Variants in DNAJC24 observed in about 807,000 individuals in gnomAD.
DNAJC24 encodes the protein dnaJ homolog subfamily C member 24.
A neutral mutation model predicts 18.0 loss-of-function variants in DNAJC24; 17 were observed. That is an observed-to-expected ratio of 0.94 (90% CI 0.65 to 1.42). The LOEUF (loss-of-function observed/expected upper bound fraction) is 1.42. Ranked by LOEUF, DNAJC24 falls within the 40% of genes most tolerant of loss-of-function variation. The pLI is 0.00. For synonymous variants in DNAJC24, 55 were observed against 57.7 expected (o/e 0.95, Z 0.21); for missense variants, 158 against 175.6 (o/e 0.90, Z 0.57).
intron 2 of DNAJC24, chr11:31,408,383 G>A: frequency 2.8e-6 from 1 of 357,688 alleles, no homozygotes; most frequent in South Asian, 2.2e-5. Flanking sequence ...TGCTGATGCT[G>A]CAGTTCTGAG....
chr11:31,383,092 G>T (rs1387344251), intron 2 of DNAJC24, among the ~76,000 whole-genome samples: 2 of 152,108 alleles, frequency 1.3e-5, no homozygotes, highest in African/African-American at 2.4e-5. Context: ...GATTTGGAGT[G>T]CACTGCCCTT....
At position 31,370,782 on chromosome 11, in the gene DNAJC24, T is replaced by C. The variant is rs924887242; in HGVS notation, c.34T>C (p.Trp12Arg). The C allele has an allele frequency of 6.2e-7, 1 of 1,611,098 alleles. No individual in the cohort carries two copies. Among genetic ancestry groups the C allele is most frequent in the African/African-American group, 1.3e-5 (1 of 74,770 alleles). The part of the protein sequence containing the change: ...MAVEQMPKKD[W>R]YSILGADPSA... Reference sequence around the variant, plus strand: ...GGTTGAGCAGATGCCAAAAAAGGATTGGTACAGCATCCTGGGAGCAGACCC... The same window carrying C: ...GGTTGAGCAGATGCCAAAAAAGGATCGGTACAGCATCCTGGGAGCAGACCC... The change falls in exon 2 of 5, where the codon TGG becomes CGG. Residue 12 changes from tryptophan (W) to arginine (R), a missense_variant. By Grantham distance (101) the Trp-to-Arg change is moderately radical. Coordinates refer to ENST00000465995, the MANE Select transcript of DNAJC24 (RefSeq NM_181706.5).
chr11:31,382,283 C>G (rs1952384576), intron 2 of DNAJC24, among the ~76,000 whole-genome samples: 1 of 152,104 alleles, frequency 6.6e-6, no homozygotes, highest in African/African-American at 2.4e-5. Flanking sequence ...GAATGACTTA[C>G]CTCTCTTAGA....
intron 3 of DNAJC24, among the ~76,000 whole-genome samples, chr11:31,420,970 A>G (rs1952798306): frequency 6.6e-6 from 1 of 152,164 alleles, no homozygotes; most frequent in Admixed American, 6.5e-5. Flanking sequence ...GGGTTTACCT[A>G]CAGTTTATAA....
At chr11:31,417,010 G>C (rs1311493787) in intron 3 of DNAJC24, 2 of 152,084 alleles carry the variant, frequency 1.3e-5, no homozygotes, top group Non-Finnish European at 2.9e-5. Flanking sequence ...AATACTGTGA[G>C]AGTTGGACCT....
intron 2 of DNAJC24, among the ~76,000 whole-genome samples, chr11:31,412,985 C>T (rs951282172): frequency 3.3e-5 from 5 of 152,126 alleles, no homozygotes; most frequent in African/African-American, 9.7e-5. Context: ...GAAGTCATTT[C>T]GCTTCATGGT....
chr11:31,383,128 C>A (rs1212529449), intron 2 of DNAJC24, among the ~76,000 whole-genome samples: 1 of 151,944 alleles, frequency 6.6e-6, no homozygotes, highest in Non-Finnish European at 1.5e-5. Context: ...CTTTGTTAAC[C>A]CACCTGGAGG....
intron 2 of DNAJC24, among the ~76,000 whole-genome samples, chr11:31,372,507 TA>T (rs1952275443): frequency 7.4e-6 from 1 of 135,588 alleles, no homozygotes; most frequent in Non-Finnish European, 1.7e-5. Context: ...AAAAATATCC[TA>T]ATATTAAACC....
At chr11:31,429,215 CCTTA>C (rs1437624354) in intron 4 of DNAJC24, among the ~76,000 whole-genome samples, 1 of 150,046 alleles carries the variant, frequency 6.7e-6, no homozygotes, top group Non-Finnish European at 1.5e-5. Context: ...AATTCATTTT[CCTTA>C]CTGATTAAAA....
At chr11:31,421,733 A>T (rs770251294) in intron 3 of DNAJC24, among the ~76,000 whole-genome samples, 4 of 152,180 alleles carry the variant, frequency 2.6e-5, no homozygotes, top group Non-Finnish European at 4.4e-5. Flanking sequence ...TAGAAATTTT[A>T]CTATCATTAG....
Position 31,432,633 on chromosome 11 carries a change from C to T in DNAJC24, c.*2232C>T. On this transcript the variant is annotated 3_prime_UTR_variant, in exon 5 of 5. Transcript: ENST00000465995. ...TAATGTTATAGTATCATCATATTCC[C>T]TTTTGCTATCTGTCCCTTTTCTCTA... The T allele has an allele frequency of 9.6e-7, 1 of 1,042,560 alleles. No homozygotes were observed. The highest frequency in any genetic ancestry group is 1.6e-5 in the African/African-American group (1 of 64,030). The allele number at this position is 1,042,560 out of a possible 1,614,324, so 64.6% of individuals were successfully genotyped here.
At position 31,431,434 on chromosome 11, in the gene DNAJC24, AGCCACCATGCCTG is replaced by A. The variant is rs936700721; in HGVS notation, c.*1038_*1050del. On this transcript the variant is annotated 3_prime_UTR_variant, in exon 5 of 5. Coordinates refer to ENST00000465995, the MANE Select transcript of DNAJC24 (RefSeq NM_181706.5). ...CCAAAGTGCTGGGATTGCAGGCGTGAGCCACCATGCCTGGCCAGAAGCTTTTTTAAAAATAATG... is the reference window on the plus strand; with the variant it reads ...CCAAAGTGCTGGGATTGCAGGCGTGAGCCAGAAGCTTTTTTAAAAATAATG... The A allele has an allele frequency of 6.8e-6, 1 of 146,342 alleles. No individual in the cohort carries two copies. The highest frequency in any genetic ancestry group is 6.8e-5 in the Admixed American group (1 of 14,772). 9.1% of individuals were successfully genotyped at this position (146,342 alleles called of 1,614,324 possible). A position where few individuals can be genotyped will look rare whatever the true frequency, so the allele number is the denominator to read the frequency against.
Position 31,404,312 on chromosome 11 carries a change from T to C in DNAJC24, c.112-10499T>C, listed in dbSNP as rs11031374. On this transcript the variant is annotated intron_variant, in intron 2 of 4. Coordinates refer to ENST00000465995, the MANE Select transcript of DNAJC24 (RefSeq NM_181706.5). ...CCTATTCAAGATGGAGTTGCTGTGA[T>C]TCACACACCTCTGGCATAAGGAACC... Among the ~76,000 whole-genome samples, 833 of 152,326 alleles carry C rather than the reference T, an allele frequency of 5.5e-3. 10 individuals are homozygous for C. The highest frequency in any genetic ancestry group is 0.019 in the African/African-American group (791 of 41,576).
rs1952934879 is a variant in DNAJC24, at chr11:31,432,312, C to A, written c.*1911C>A. The A allele has an allele frequency of 6.1e-6, 3 of 494,632 alleles. No individual in the cohort carries two copies. Among genetic ancestry groups the A allele is most frequent in the Non-Finnish European group, 1.1e-5 (3 of 275,420 alleles). 30.6% of individuals were successfully genotyped at this position (494,632 alleles called of 1,614,324 possible). A position where few individuals can be genotyped will look rare whatever the true frequency, so the allele number is the denominator to read the frequency against. On this transcript the variant is annotated 3_prime_UTR_variant, in exon 5 of 5. Coordinates refer to ENST00000465995, the MANE Select transcript of DNAJC24 (RefSeq NM_181706.5). ...AAATTTAGATGACTTTTTTGGGTTA[C>A]ATTTTTATCCATATATTTTGAACTA... is the stretch of plus-strand genomic sequence containing the variant.
chr11:31,379,400 C>T (rs919216751), intron 2 of DNAJC24, among the ~76,000 whole-genome samples: 1 of 152,166 alleles, frequency 6.6e-6, no homozygotes, highest in Non-Finnish European at 1.5e-5. Context: ...ACCATACTCC[C>T]TACACCCCCA....
chr11:31,372,766 T>C (rs1232747719), intron 2 of DNAJC24, among the ~76,000 whole-genome samples: 1 of 136,188 alleles, frequency 7.3e-6, no homozygotes, highest in African/African-American at 2.5e-5. Flanking sequence ...ATTTTGGCTA[T>C]TGGAGTTTTT....
chr11:31,402,571 T>C lies in DNAJC24; in HGVS notation c.112-12240T>C, dbSNP rs557471683. Among the ~76,000 whole-genome samples the C allele has an allele frequency of 3.9e-5, 6 of 152,294 alleles. No homozygotes were observed. In the South Asian group the frequency reaches 1.2e-3, roughly 32 times the overall value. On this transcript the variant is annotated intron_variant, in intron 2 of 4. Transcript: ENST00000465995. ...TCACCCATGTTAGCGGGCAGTGGTG[T>C]GATCATAACTAACTCCAGCGTCAAC...
At chr11:31,401,602 A>G (rs931313005) in intron 2 of DNAJC24, among the ~76,000 whole-genome samples, 6 of 152,046 alleles carry the variant, frequency 3.9e-5, no homozygotes, top group Admixed American at 3.3e-4. Context: ...GAATCTCAGA[A>G]TCAATCTCTC....
At chr11:31,399,414 C>CTTT (rs568328386) in intron 2 of DNAJC24, among the ~76,000 whole-genome samples, 6 of 138,452 alleles carry the variant, frequency 4.3e-5, no homozygotes, top group Non-Finnish European at 6.3e-5. Flanking sequence ...TCTTAATTCT[C>CTTT]TTTTTTTTTT....
Sources: gnomAD v4.1 joint callset for allele counts (sites outside exome capture counted in the v4.1 genomes callset) on GRCh38, gnomAD v4.1.1 for gene constraint, MANE v1.5 for transcripts, NCBI Gene and HGNC (gene_info 2026-07-23, HGNC 2026-07-21) for gene names.